The following BDP1 variants were observed in gnomAD, a reference collection of about 807,000 sequenced individuals.
BDP1 encodes BDP1 general transcription factor IIIB subunit.
BDP1 carries 169 observed loss-of-function variants against 266.6 expected under a neutral mutation model. The ratio of observed to expected loss-of-function variants is 0.63; its 90% CI spans 0.56 to 0.72. The LOEUF is 0.72. Ranked by LOEUF, BDP1 falls within the 30% of genes least tolerant of loss-of-function variation. The pLI is 0.00. For missense variants in BDP1, 3,015 were observed against 3,053.8 expected, an observed-to-expected ratio of 0.99 and a Z score of 0.30; for synonymous variants, 1,090 against 1,022.4, an observed-to-expected ratio of 1.07 and a Z score of -1.26.
intron 25 of BDP1, among the ~76,000 whole-genome samples, chr5:71,525,836 G>C (rs1220891980): frequency 6.6e-6 from 1 of 151,416 alleles, no homozygotes; most frequent in Non-Finnish European, 1.5e-5. Flanking sequence ...TCACTTCTCA[G>C]ACGGTGTGGC....
chr5:71,524,540 C>T lies in BDP1; in HGVS notation c.5772+217C>T, dbSNP rs186009175. On this transcript the variant is annotated intron_variant, in intron 25 of 38. Coordinates refer to ENST00000358731, the MANE Select transcript of BDP1 (RefSeq NM_018429.3). ...CCCAGCAAGGGAGTCAGTGTAACAA[C>T]GAGAGAAATCTGCTTACACTTGTAC... 9.2e-5 allele frequency among the ~76,000 whole-genome samples: 14 copies of T among 151,836 alleles called. No individual in the cohort carries two copies. In the East Asian group the frequency reaches 2.5e-3, roughly 27 times the overall value.
chr5:71,550,865 T>C (rs7444320), intron 34 of BDP1, among the ~76,000 whole-genome samples: 70,395 of 151,554 alleles, frequency 0.46, 16,621 homozygotes, highest in South Asian at 0.55. Context: ...GCCACCACAC[T>C]GGCTAATTTT....
intron 36 of BDP1, among the ~76,000 whole-genome samples, chr5:71,558,015 C>T (rs1426580782): frequency 1.3e-5 from 2 of 152,172 alleles, no homozygotes; most frequent in African/African-American, 4.8e-5. Flanking sequence ...ATGACTAAAG[C>T]TGCCAGTCAC....
chr5:71,567,071 G>A lies in BDP1; in HGVS notation c.*2186G>A, dbSNP rs544195973. The stretch of plus-strand genomic sequence containing the variant: ...TCGGAGCGGAAATTGTCTATAAGTA[G>A]GCATTTATTTCATGATTGATATGTC... On this transcript the variant is annotated 3_prime_UTR_variant, in exon 39 of 39. Transcript: ENST00000358731. 1.3e-5 allele frequency: 2 copies of A among 152,220 alleles called. No individual in the cohort carries two copies. The highest frequency in any genetic ancestry group is 4.1e-4 in the South Asian group (2 of 4,824). The allele number at this position is 152,220 out of a possible 1,614,324, so 9.4% of individuals were successfully genotyped here.
intron 4 of BDP1, among the ~76,000 whole-genome samples, chr5:71,464,744 G>C (rs1761798186): frequency 8.3e-6 from 1 of 120,552 alleles, no homozygotes; most frequent in African/African-American, 2.9e-5. Context: ...TTTTGAGATG[G>C]AGTCTTGCTC....
At chr5:71,465,867 C>T (rs781298629) in intron 4 of BDP1, among the ~76,000 whole-genome samples, 17 of 151,384 alleles carry the variant, frequency 1.1e-4, no homozygotes, top group Non-Finnish European at 2.2e-4. Context: ...GGTGACAGGG[C>T]GAAACTCCAT....
chr5:71,524,837 T>C (rs1381484840), intron 25 of BDP1, among the ~76,000 whole-genome samples: 1 of 150,630 alleles, frequency 6.6e-6, no homozygotes, highest in Non-Finnish European at 1.5e-5. Context: ...GCGATGACTC[T>C]TAACGAGCAT....
chr5:71,490,147 G>C (rs549680531), intron 10 of BDP1, among the ~76,000 whole-genome samples: 25 of 152,220 alleles, frequency 1.6e-4, no homozygotes, highest in African/African-American at 5.5e-4. Flanking sequence ...TGAGTTGCTT[G>C]GGGATGAGGG....
chr5:71,515,313 T>A (rs1470496732), intron 20 of BDP1, among the ~76,000 whole-genome samples, 191 bp downstream of exon 20: 1 of 152,220 alleles, frequency 6.6e-6, no homozygotes, highest in Non-Finnish European at 1.5e-5. Flanking sequence ...GGTTGCCTGC[T>A]TATCTGCATT....
At chr5:71,516,843 A>T (rs541895916) in intron 21 of BDP1, among the ~76,000 whole-genome samples, 1 of 152,226 alleles carries the variant, frequency 6.6e-6, no homozygotes, top group African/African-American at 2.4e-5. Flanking sequence ...CTGTTAAACA[A>T]TGCAAAGTCT....
chr5:71,519,735 A>G (rs527248305), intron 22 of BDP1, among the ~76,000 whole-genome samples: 1 of 152,276 alleles, frequency 6.6e-6, no homozygotes, highest in South Asian at 2.1e-4. Context: ...TTAGGTTGAT[A>G]TTATGTGTTG....
At chr5:71,544,550 C>G in intron 31 of BDP1, 43 bp downstream of exon 31, 2 of 1,576,858 alleles carry the variant, frequency 1.3e-6, no homozygotes, top group Non-Finnish European at 1.7e-6. Flanking sequence ...TATATTGTTT[C>G]AGCTATAGCC....
At position 71,492,867 on chromosome 5, in the gene BDP1, A is replaced by G. The variant is rs112260106; in HGVS notation, c.1640+1736A>G. ...CATACAATTTAGTGGCATTATTTACATTTACATTGTTGTGCAGCCATCAGC... is the reference window on the plus strand; with the variant it reads ...CATACAATTTAGTGGCATTATTTACGTTTACATTGTTGTGCAGCCATCAGC... On this transcript the variant is annotated intron_variant, in intron 11 of 38. Transcript: ENST00000358731. Among the ~76,000 whole-genome samples the G allele has an allele frequency of 5.1e-3, 774 of 152,296 alleles. 8 individuals are homozygous for G. Among genetic ancestry groups the G allele is most frequent in the African/African-American group, 0.017 (724 of 41,570 alleles).
intron 1 of BDP1, among the ~76,000 whole-genome samples, chr5:71,456,718 G>A (rs1354331462): frequency 6.6e-6 from 1 of 152,172 alleles, no homozygotes; most frequent in African/African-American, 2.4e-5. Context: ...GGAGCGTTTT[G>A]GTGCAGATTG....
At chr5:71,506,786 A>AACACACACACACACACACACACAC (rs70992971) in intron 16 of BDP1, among the ~76,000 whole-genome samples, 2 of 64,408 alleles carry the variant, frequency 3.1e-5, no homozygotes, top group East Asian at 9.8e-4. Context: ...ATATATTTGA[A>AACACACACACACACACACACACAC]ACACACACAC....
At chr5:71,551,319 C>G (rs1268755005) in intron 34 of BDP1, among the ~76,000 whole-genome samples, 2 of 152,104 alleles carry the variant, frequency 1.3e-5, no homozygotes, top group South Asian at 2.1e-4. Context: ...TGACTCTTAA[C>G]GAGCATACTG....
intron 13 of BDP1, among the ~76,000 whole-genome samples, chr5:71,499,845 A>G (rs1176024067): frequency 6.6e-6 from 1 of 152,194 alleles, no homozygotes; most frequent in East Asian, 1.9e-4. Flanking sequence ...TCTCAAGGAA[A>G]CAAAGTATAA....
chr5:71,513,811 C>T (rs190365874), intron 19 of BDP1, among the ~76,000 whole-genome samples: 6 of 152,114 alleles, frequency 3.9e-5, no homozygotes, highest in African/African-American at 1.4e-4. Context: ...CTTCCACCTC[C>T]CAGGTTCAAG....
At chr5:71,512,535 T>A (rs1764986192) in intron 18 of BDP1, 107 bp downstream of exon 18, 3 of 713,268 alleles carry the variant, frequency 4.2e-6, no homozygotes, top group Middle Eastern at 4.4e-4. Flanking sequence ...TTAGAGCTTT[T>A]AAGATAGTTT....
Sources: allele counts gnomAD v4.1 joint callset (sites outside exome capture counted in the v4.1 genomes callset), GRCh38; gene constraint gnomAD v4.1.1; transcripts MANE v1.5; gene names NCBI Gene and HGNC (gene_info 2026-07-23, HGNC 2026-07-21).